SLC12A5: variants seen among roughly 807,000 people sequenced by gnomAD.
The protein encoded by SLC12A5 is K-Cl cotransporter 2.
A neutral mutation model predicts 124.0 loss-of-function variants in SLC12A5; 18 were observed. That is an observed-to-expected ratio of 0.15 (90% CI 0.10 to 0.22). The LOEUF (loss-of-function observed/expected upper bound fraction) is 0.22. SLC12A5 is among the 10% of genes least tolerant of loss of function. The probability of loss-of-function intolerance (pLI) is 1.00; values close to 1 mark genes in which losing one functional copy is unlikely to be tolerated. For missense variants in SLC12A5, 867 were observed against 1,478.7 expected (o/e 0.59, Z 6.78); for synonymous variants, 589 against 568.0 (o/e 1.04, Z -0.53).
chr20:46,036,218 C>A (rs2084497308), intron 4 of SLC12A5: 2 of 337,024 alleles, frequency 5.9e-6, no homozygotes, highest in Admixed American at 4.3e-5. Context: ...TATAATCTTA[C>A]AATAGTTAAC....
At position 46,029,911 on chromosome 20, in the gene SLC12A5, TGTGTGC is replaced by T. The variant is rs139236410; in HGVS notation, c.52+521_52+526del. Reference sequence around the variant, plus strand: ...GTGTGCGCGCGCGTGCGTATGTGTGTGTGTGCGTGTGTGTGTGTGTGTGTGTGTGTA... The same window carrying T: ...GTGTGCGCGCGCGTGCGTATGTGTGTGTGTGTGTGTGTGTGTGTGTGTGTA... On this transcript the variant is annotated intron_variant, in intron 1 of 25. Transcript: ENST00000243964. 6.8e-5 allele frequency among the ~76,000 whole-genome samples: 5 copies of T among 73,912 alleles called. No homozygotes were observed. The East Asian group carries it at 8.9e-4, about 13-fold the overall frequency. 48.5% of individuals were successfully genotyped at this position (73,912 alleles called of 152,430 possible).
chr20:46,034,916 G>A, intron 1 of SLC12A5, 32 bp from the exon 2 acceptor site: 1 of 1,606,914 alleles, frequency 6.2e-7, no homozygotes, highest in Non-Finnish European at 8.5e-7. Flanking sequence ...CAACTGATTG[G>A]TTCCAGATCC....
At position 46,059,696 on chromosome 20, in the gene SLC12A5, AAT is replaced by A. The variant is rs2088790837; in HGVS notation, c.*2092_*2093del. The A allele has an allele frequency of 2.5e-6, 1 of 398,914 alleles. No individual in the cohort carries two copies. The highest frequency in any genetic ancestry group is 1.3e-4 in the South Asian group (1 of 7,866). The allele number at this position is 398,914 out of a possible 1,614,324, so 24.7% of individuals were successfully genotyped here. A position where few individuals can be genotyped will look rare whatever the true frequency, so the allele number is the denominator to read the frequency against. On this transcript the variant is annotated 3_prime_UTR_variant, in exon 26 of 26. Coordinates refer to ENST00000243964, the MANE Select transcript of SLC12A5 (RefSeq NM_020708.5). ...TGCTACATGTGCAATATTTGTTATG[AAT>A]GTTATCACAAGTCATTCATCAAGTT...
chr20:46,035,138 C>A, intron 2 of SLC12A5, 96 bp downstream of exon 2: 1 of 1,252,450 alleles, frequency 8.0e-7, no homozygotes, highest in Non-Finnish European at 1.2e-6. Flanking sequence ...ATACCCTCGT[C>A]TCCACCCCTC....
intron 18 of SLC12A5, among the ~76,000 whole-genome samples, chr20:46,052,301 T>C (rs971316306): frequency 6.6e-6 from 1 of 152,270 alleles, no homozygotes; most frequent in South Asian, 2.1e-4. Context: ...GAGTTCTGTG[T>C]GCCAGCAAGT....
intron 6 of SLC12A5, 92 bp downstream of exon 6, chr20:46,037,477 G>T (rs2084508876): frequency 7.2e-7 from 1 of 1,382,294 alleles, no homozygotes; most frequent in Admixed American, 3.0e-5. Flanking sequence ...AGGCCATTCA[G>T]TGAGGCCAAA....
At chr20:46,039,977 CA>C (rs1270437845) in intron 6 of SLC12A5, among the ~76,000 whole-genome samples, 1 of 152,072 alleles carries the variant, frequency 6.6e-6, no homozygotes, top group Non-Finnish European at 1.5e-5. Context: ...TTATAATTAA[CA>C]AAAATAACAG....
Position 46,044,954 on chromosome 20 carries a change from A to T in SLC12A5, c.1395-12A>T. ...ACTGCTCACCTGGCATCTCCTGTCC[A>T]CATCATTCCAGGTTTGGCGAAGCTG... On this transcript the variant is annotated splice_polypyrimidine_tract_variant and intron_variant, in intron 11 of 25. Coordinates refer to ENST00000243964, the MANE Select transcript of SLC12A5 (RefSeq NM_020708.5). 6.2e-6 allele frequency: 10 copies of T among 1,614,162 alleles called. No homozygotes were observed. The highest frequency in any genetic ancestry group is 1.7e-5 in the Admixed American group (1 of 60,022).
chr20:46,053,164 G>T lies in SLC12A5; in HGVS notation c.2547+38G>T. ...CGTGAGTGTATGCACGTGTGAGTGT[G>T]TGTATGCATGTATGCATTTGTGTGC... On this transcript the variant is annotated intron_variant, in intron 19 of 25. Transcript: ENST00000243964. This position sits in a 1 kb window ranked among gnomAD's most constrained non-coding sequence, Gnocchi z 4.7. 2.5e-6 allele frequency: 4 copies of T among 1,583,278 alleles called. No homozygotes were observed. Among genetic ancestry groups the T allele is most frequent in the Non-Finnish European group, 3.5e-6 (4 of 1,155,884 alleles).
intron 6 of SLC12A5, among the ~76,000 whole-genome samples, chr20:46,039,729 C>G (rs991924644): frequency 5.9e-5 from 9 of 151,980 alleles, no homozygotes; most frequent in African/African-American, 1.4e-4. Context: ...GAGCCAAGAT[C>G]GTGCCACTGC....
At chr20:46,022,432 G>A (rs2084363727) in intron 1 of SLC12A5, among the ~76,000 whole-genome samples, 2 of 146,080 alleles carry the variant, frequency 1.4e-5, no homozygotes, top group Admixed American at 1.4e-4. Context: ...TGGGGTCGAG[G>A]GCGGGAGGAA....
At position 46,059,745 on chromosome 20, in the gene SLC12A5, AG is replaced by A; in HGVS notation, c.*2141del. 1 of 398,662 alleles carries A rather than the reference AG, an allele frequency of 2.5e-6. No individual in the cohort carries two copies. The highest frequency in any genetic ancestry group is 2.1e-5 in the African/African-American group (1 of 48,760). The allele number at this position is 398,662 out of a possible 1,614,324, so 24.7% of individuals were successfully genotyped here. A position where few individuals can be genotyped will look rare whatever the true frequency, so the allele number is the denominator to read the frequency against. ...AGTTATCTTTATAATCACTGTAGTT[AG>A]ATGTTTCATGTCCATTCAAGTGACT... On this transcript the variant is annotated 3_prime_UTR_variant, in exon 26 of 26. Transcript: ENST00000243964.
chr20:46,057,069 A>G lies in SLC12A5; in HGVS notation c.3126-101A>G. On this transcript the variant is annotated intron_variant, in intron 24 of 25. Transcript: ENST00000243964. This position sits in a 1 kb window ranked among gnomAD's most constrained non-coding sequence, Gnocchi z 7.1. ...GGATTGGTGGTCCTAGGCTTGCAAG[A>G]ACCAGTCCCCAGCAGCCCAGTTCGG... The G allele has an allele frequency of 6.3e-7, 1 of 1,594,344 alleles. No individual in the cohort carries two copies. The highest frequency in any genetic ancestry group is 8.6e-7 in the Non-Finnish European group (1 of 1,165,088).
chr20:46,034,958 C>G lies in SLC12A5; in HGVS notation c.63C>G (p.Asn21Lys). The G allele has an allele frequency of 6.2e-7, 1 of 1,613,998 alleles. No individual in the cohort carries two copies. Among genetic ancestry groups the G allele is most frequent in the Non-Finnish European group, 8.5e-7 (1 of 1,179,932 alleles). Residue 21 changes from asparagine (N) to lysine (K), a missense_variant, in exon 2 of 26, where the codon AAC (asparagine) becomes AAG (lysine). Asn to Lys is a moderately conservative substitution (Grantham distance 94). Coordinates refer to ENST00000243964, the MANE Select transcript of SLC12A5 (RefSeq NM_020708.5). ...CCTCTCCCTTCTCAGGTGATGGCAA[C>G]CCCAAGGAAAGCAGTCCCTTCATCA... ...GDGGANPGDG[N>K]PKESSPFINS...
rs1289184369 is a variant in SLC12A5 at position 46,057,671 on chromosome 20, C to A, written c.*66C>A. On this transcript the variant is annotated 3_prime_UTR_variant, in exon 26 of 26. Transcript: ENST00000243964. This position sits in a 1 kb window ranked among gnomAD's most constrained non-coding sequence, Gnocchi z 7.1. ...GCGGCTCCGGAGCCCTCGCCGCGCCCCCCGCCGCTGTCACCGTTTACATAC... is the reference window on the plus strand; with the variant it reads ...GCGGCTCCGGAGCCCTCGCCGCGCCACCCGCCGCTGTCACCGTTTACATAC... 6 of 1,242,812 alleles carry A rather than the reference C, an allele frequency of 4.8e-6. No homozygotes were observed. The highest frequency in any genetic ancestry group is 6.7e-6 in the Non-Finnish European group (6 of 891,480). The allele number at this position is 1,242,812 out of a possible 1,614,324, so 77.0% of individuals were successfully genotyped here. A position where few individuals can be genotyped will look rare whatever the true frequency, so the allele number is the denominator to read the frequency against.
chr20:46,031,777 T>G (rs1225801860), intron 1 of SLC12A5, among the ~76,000 whole-genome samples: 1 of 152,140 alleles, frequency 6.6e-6, no homozygotes, highest in East Asian at 1.9e-4. Context: ...GGTTGAGAGC[T>G]CCCAGGGGGC....
chr20:46,051,909 GCTGGGGGCTGTAGAGGGGTGGAA>G, intron 18 of SLC12A5, 39 bp downstream of exon 18: 1 of 1,274,000 alleles, frequency 7.8e-7, no homozygotes, highest in Non-Finnish European at 1.1e-6. Flanking sequence ...GAGGGGTGGG[GCTGGGGGCTGTAGAGGGGTGGAA>G]CTGGATTTCC....
chr20:46,041,375 G>A lies in SLC12A5; in HGVS notation c.901G>A (p.Val301Ile). 1.2e-6 allele frequency: 2 copies of A among 1,614,164 alleles called. No individual in the cohort carries two copies. The highest frequency in any genetic ancestry group is 1.7e-6 in the Non-Finnish European group (2 of 1,180,022). The change falls in exon 8 of 26, where the codon GTC becomes ATC. Residue 301 changes from valine to isoleucine, a missense_variant. Physicochemically the swap from Val to Ile is conservative, Grantham distance 29. This residue lies in a region of SLC12A5 where 127 missense variants were observed against 164.1 expected (regional missense o/e 0.77). Coordinates refer to ENST00000243964, the MANE Select transcript of SLC12A5 (RefSeq NM_020708.5). ...NRTLSRHGFDVCAKLAWEGNE... is the reference protein window; with the variant it reads ...NRTLSRHGFDICAKLAWEGNE... ...CACGCTGTCTCGCCATGGCTTTGAT[G>A]TCTGTGCCAAGCTGGCTTGGGAAGG... is the stretch of plus-strand genomic sequence containing the variant.
At chr20:46,055,922 A>C in intron 21 of SLC12A5, 1 of 559,576 alleles carries the variant, frequency 1.8e-6, no homozygotes, top group East Asian at 3.2e-5. Context: ...TTGCTGTGCC[A>C]AGGTTAACCC....
Sources: allele counts gnomAD v4.1 joint callset (sites outside exome capture counted in the v4.1 genomes callset), GRCh38; gene constraint gnomAD v4.1.1; regional missense constraint gnomAD v4.1.1; non-coding constraint Gnocchi (gnomAD v3.1); transcripts MANE v1.5; gene names NCBI Gene and HGNC (gene_info 2026-07-23, HGNC 2026-07-21).